The following SMYD3 variants were observed in gnomAD, a reference collection of about 807,000 sequenced individuals.
SMYD3 encodes histone-lysine N-methyltransferase SMYD3.
In SMYD3, 36 loss-of-function variants were observed where a neutral mutation model predicts 57.7. The observed-to-expected ratio is 0.62, with a 90% CI of 0.48 to 0.82. The LOEUF (loss-of-function observed/expected upper bound fraction) is 0.82, where lower values mean the gene tolerates loss of function less well. Among genes scored for constraint, SMYD3 ranks in the 40% least tolerant of loss-of-function variants. SMYD3 has a pLI of 0.00. For synonymous variants in SMYD3, 211 were observed against 195.0 expected (o/e 1.08, Z -0.68); for missense variants, 515 against 538.8 (o/e 0.96, Z 0.44).
intron 5 of SMYD3, among the ~76,000 whole-genome samples, chr1:246,067,194 A>G (rs12070372): frequency 0.014 from 2,106 of 152,300 alleles, 47 homozygotes; most frequent in African/African-American, 0.049. Flanking sequence ...TCAAGTAAAT[A>G]TTGTCATCAA....
chr1:246,352,240 C>T lies in SMYD3; in HGVS notation c.228+2791G>A, dbSNP rs141870422. On this transcript the variant is annotated intron_variant, in intron 2 of 11. Coordinates refer to ENST00000490107, the MANE Select transcript of SMYD3 (RefSeq NM_001167740.2). ...CAAGGTACATGTTACACCTGCAATA[C>T]CCCAATAGCCTCTCTCAGACAACTT... Among the ~76,000 whole-genome samples the T allele has an allele frequency of 3.6e-3, 541 of 151,396 alleles. 1 individual carries two copies. Among genetic ancestry groups the T allele is most frequent in the African/African-American group, 0.011 (468 of 41,308 alleles).
intron 5 of SMYD3, among the ~76,000 whole-genome samples, chr1:246,272,929 T>A (rs2064248972): frequency 6.6e-6 from 1 of 152,170 alleles, no homozygotes; most frequent in African/African-American, 2.4e-5. Context: ...TTTTCTCTGT[T>A]GAGAGATTAT....
At position 246,475,440 on chromosome 1, in the gene SMYD3, C is replaced by T. The variant is rs113145044; in HGVS notation, c.164+31614G>A. Among the ~76,000 whole-genome samples, 551 of 151,676 alleles carry T rather than the reference C, an allele frequency of 3.6e-3. 2 individuals are homozygous for T. Among genetic ancestry groups the T allele is most frequent in the African/African-American group, 0.011 (449 of 41,376 alleles). ...GGTGGATCATTTGAGGTCGGGAATT[C>T]GAGACCAGCCTGGCCAACATGGTGA... On this transcript the variant is annotated intron_variant, in intron 1 of 11. Transcript: ENST00000490107.
chr1:245,798,471 C>T (rs1265585872), intron 10 of SMYD3, among the ~76,000 whole-genome samples: 6 of 28,368 alleles, frequency 2.1e-4, no homozygotes, highest in African/African-American at 9.4e-4. Context: ...CATACACACA[C>T]ATACACAACA....
chr1:245,833,556 G>A (rs2049960763), intron 10 of SMYD3, among the ~76,000 whole-genome samples: 1 of 152,230 alleles, frequency 6.6e-6, no homozygotes, highest in African/African-American at 2.4e-5. Flanking sequence ...TATCACAGGG[G>A]ACGTGGCAGC....
At chr1:246,304,899 T>C (rs572625048) in intron 5 of SMYD3, among the ~76,000 whole-genome samples, 27 of 152,328 alleles carry the variant, frequency 1.8e-4, no homozygotes, top group African/African-American at 6.0e-4. Flanking sequence ...GAAACTTTCA[T>C]CTTTGTTGAG....
chr1:246,336,666 A>G (rs1466437203), intron 2 of SMYD3, among the ~76,000 whole-genome samples: 1 of 152,208 alleles, frequency 6.6e-6, no homozygotes, highest in South Asian at 2.1e-4. Flanking sequence ...CTAAGCAAAT[A>G]ACGAAGCACG....
intron 5 of SMYD3, among the ~76,000 whole-genome samples, chr1:246,123,255 T>C (rs1252285284): frequency 6.6e-6 from 1 of 152,092 alleles, no homozygotes; most frequent in Non-Finnish European, 1.5e-5. Context: ...GGAAGAGCCA[T>C]CTGATGCAAC....
chr1:246,406,303 C>G (rs1160752724), intron 1 of SMYD3, among the ~76,000 whole-genome samples: 2 of 152,082 alleles, frequency 1.3e-5, no homozygotes, highest in East Asian at 3.9e-4. Flanking sequence ...TCTATTAGTA[C>G]CATGCTTGGC....
chr1:245,875,732 T>G (rs758315429), intron 8 of SMYD3, among the ~76,000 whole-genome samples: 26 of 152,234 alleles, frequency 1.7e-4, no homozygotes, highest in Admixed American at 4.6e-4. Flanking sequence ...TTGTTTTCAT[T>G]TTGGGTCATA....
chr1:245,793,264 G>C (rs180744762), intron 10 of SMYD3, among the ~76,000 whole-genome samples: 9 of 151,644 alleles, frequency 5.9e-5, no homozygotes, highest in Admixed American at 3.9e-4. Context: ...AGCCGAGATC[G>C]TGCCACTGCA....
chr1:246,207,050 T>C (rs925908581), intron 5 of SMYD3, among the ~76,000 whole-genome samples: 2 of 152,146 alleles, frequency 1.3e-5, no homozygotes, highest in East Asian at 1.9e-4. Context: ...CACAATTCTA[T>C]GCCAAACGTA....
rs573492479 is a variant in SMYD3 at position 245,905,337 on chromosome 1, G to A, written c.813+10193C>T. Among the ~76,000 whole-genome samples the A allele has an allele frequency of 2.0e-4, 30 of 152,210 alleles. No individual in the cohort carries two copies. The South Asian group carries it at 6.2e-3, about 32-fold the overall frequency. ...GCATTTCTGGGCCTGCCTTCGGCCG[G>A]AGGGCAGTCCTCTCCCCTGACTAGA... On this transcript the variant is annotated intron_variant, in intron 8 of 11. Coordinates refer to ENST00000490107, the MANE Select transcript of SMYD3 (RefSeq NM_001167740.2).
chr1:246,245,711 T>C (rs887314620), intron 5 of SMYD3, among the ~76,000 whole-genome samples: 1 of 152,218 alleles, frequency 6.6e-6, no homozygotes, highest in African/African-American at 2.4e-5. Flanking sequence ...TTATGACATT[T>C]CTGCATCACT....
intron 5 of SMYD3, among the ~76,000 whole-genome samples, chr1:245,934,832 C>G (rs540367662): frequency 6.6e-6 from 1 of 152,272 alleles, no homozygotes; most frequent in South Asian, 2.1e-4. Context: ...GCTGGAGGGT[C>G]TCAAGTTTTA....
chr1:246,059,222 G>C (rs559527026), intron 5 of SMYD3, among the ~76,000 whole-genome samples: 70 of 152,222 alleles, frequency 4.6e-4, no homozygotes, highest in African/African-American at 1.6e-3. Context: ...AGCGGTAAAA[G>C]TAAACGAGGG....
At chr1:245,905,944 C>T (rs566903005) in intron 8 of SMYD3, among the ~76,000 whole-genome samples, 20 of 152,126 alleles carry the variant, frequency 1.3e-4, no homozygotes, top group Non-Finnish European at 2.6e-4. Flanking sequence ...TAGCCATATG[C>T]AAAAGAATGA....
intron 8 of SMYD3, among the ~76,000 whole-genome samples, chr1:245,898,617 T>C (rs538830858): frequency 1.7e-3 from 255 of 152,198 alleles, no homozygotes; most frequent in African/African-American, 5.4e-3. Context: ...AAGAAAGAAA[T>C]TGAGAGCCCG....
At chr1:245,802,559 G>A (rs1178177218) in intron 10 of SMYD3, among the ~76,000 whole-genome samples, 2 of 152,290 alleles carry the variant, frequency 1.3e-5, no homozygotes, top group East Asian at 1.9e-4. Flanking sequence ...TACTAGAGAT[G>A]GAATCAACCA....
Sources: allele counts gnomAD v4.1 joint callset (sites outside exome capture counted in the v4.1 genomes callset), GRCh38; gene constraint gnomAD v4.1.1; transcripts MANE v1.5; gene names NCBI Gene and HGNC (gene_info 2026-07-23, HGNC 2026-07-21).